The following SNX18 variants were observed in gnomAD, a reference collection of about 807,000 sequenced individuals.
SNX18 encodes the protein sorting nexin-18.
In SNX18, 35 loss-of-function variants were observed where a neutral mutation model predicts 48.7. That is an observed-to-expected ratio of 0.72 (90% CI 0.55 to 0.95). The LOEUF is 0.95. Ranked by LOEUF, SNX18 falls within the 40% of genes least tolerant of loss-of-function variation. The pLI is 0.00. For synonymous variants in SNX18, 492 were observed against 384.7 expected, an observed-to-expected ratio of 1.28 and a Z score of -3.26; for missense variants, 824 against 871.0, an observed-to-expected ratio of 0.95 and a Z score of 0.68.
At chr5:54,619,898 G>A in the SNX18 span, among the ~76,000 whole-genome samples, 1 of 152,178 alleles carries the variant, frequency 6.6e-6, no homozygotes, top group Non-Finnish European at 1.5e-5. Flanking sequence ...CATGAGTAGA[G>A]AAAAGTCAAT....
chr5:54,596,940 A>T, the SNX18 span, among the ~76,000 whole-genome samples: 1 of 152,052 alleles, frequency 6.6e-6, no homozygotes, highest in African/African-American at 2.4e-5. Flanking sequence ...TCAAAAAAGG[A>T]TGTACTGACA....
chr5:54,547,779 C>T (rs1448636179), downstream of SNX18, among the ~76,000 whole-genome samples: 1 of 152,200 alleles, frequency 6.6e-6, no homozygotes, highest in South Asian at 2.1e-4. Flanking sequence ...CCAATAGAAG[C>T]ACATTCCAGT....
At chr5:54,580,107 G>T in the SNX18 span, among the ~76,000 whole-genome samples, 1 of 145,158 alleles carries the variant, frequency 6.9e-6, no homozygotes, top group Non-Finnish European at 1.5e-5. Flanking sequence ...GTCAGAAAGA[G>T]AGAGAGAGAG....
chr5:54,541,088 C>T (rs913951528), intron 1 of SNX18, among the ~76,000 whole-genome samples: 6 of 151,872 alleles, frequency 4.0e-5, no homozygotes, highest in East Asian at 1.9e-4. Flanking sequence ...AGTACGGTGG[C>T]GCAATCTCGG....
At chr5:54,561,439 G>A in the SNX18 span, among the ~76,000 whole-genome samples, 94 of 151,916 alleles carry the variant, frequency 6.2e-4, no homozygotes, top group African/African-American at 2.1e-3. Context: ...CTGAGCTCAA[G>A]AGGTCCTTTC....
the SNX18 span, among the ~76,000 whole-genome samples, chr5:54,568,364 C>T: frequency 6.6e-6 from 1 of 152,332 alleles, no homozygotes; most frequent in South Asian, 2.1e-4. Flanking sequence ...ATGGTTTGGA[C>T]ACACACTCCT....
chr5:54,524,021 A>G (rs13184344), intron 1 of SNX18, among the ~76,000 whole-genome samples: 7,645 of 152,222 alleles, frequency 0.05, 229 homozygotes, highest in Non-Finnish European at 0.076. Context: ...GAGGCTGTTC[A>G]TTCTTTTTGT....
chr5:54,600,356 A>T, the SNX18 span, among the ~76,000 whole-genome samples: 1 of 152,224 alleles, frequency 6.6e-6, no homozygotes, highest in Non-Finnish European at 1.5e-5. Flanking sequence ...GCAGAGAAAT[A>T]GGGACACTTT....
the SNX18 span, among the ~76,000 whole-genome samples, chr5:54,600,622 A>G: frequency 6.6e-6 from 1 of 152,028 alleles, no homozygotes; most frequent in African/African-American, 2.4e-5. Flanking sequence ...ATGTGGTATA[A>G]ATATACCATG....
the SNX18 span, among the ~76,000 whole-genome samples, chr5:54,641,002 G>T: frequency 6.6e-6 from 1 of 152,152 alleles, no homozygotes; most frequent in Admixed American, 6.5e-5. Context: ...GGAGATTGAA[G>T]TGAGCCGAGA....
chr5:54,603,369 G>A, the SNX18 span, among the ~76,000 whole-genome samples: 171 of 152,116 alleles, frequency 1.1e-3, no homozygotes, highest in Admixed American at 3.7e-3. Context: ...GCTTCCCAAA[G>A]TATTGGGACA....
At chr5:54,530,084 T>G (rs2112846622) in intron 1 of SNX18, among the ~76,000 whole-genome samples, 1 of 152,258 alleles carries the variant, frequency 6.6e-6, no homozygotes, top group East Asian at 1.9e-4. Context: ...TTGGTTTTCT[T>G]TGCTCTGCAG....
At chr5:54,642,358 T>C in the SNX18 span, among the ~76,000 whole-genome samples, 1,067 of 151,918 alleles carry the variant, frequency 7.0e-3, 7 homozygotes, top group Non-Finnish European at 0.01. Flanking sequence ...GCCCCTTAAA[T>C]AAAAATGGAA....
chr5:54,569,856 A>G, the SNX18 span, among the ~76,000 whole-genome samples: 4 of 152,222 alleles, frequency 2.6e-5, no homozygotes, highest in African/African-American at 9.6e-5. Context: ...AAGCCCACCC[A>G]GATTCATGGG....
the SNX18 span, among the ~76,000 whole-genome samples, chr5:54,621,573 T>C: frequency 6.6e-6 from 1 of 152,212 alleles, no homozygotes; most frequent in African/African-American, 2.4e-5. Flanking sequence ...CCCTGTTTAG[T>C]GACCACTGCA....
chr5:54,637,848 A>T, the SNX18 span, among the ~76,000 whole-genome samples: 1 of 152,208 alleles, frequency 6.6e-6, no homozygotes, highest in Non-Finnish European at 1.5e-5. Context: ...ACAGCTTTCC[A>T]GAAGAGCAAA....
At chr5:54,631,477 A>G in the SNX18 span, among the ~76,000 whole-genome samples, 1 of 152,234 alleles carries the variant, frequency 6.6e-6, no homozygotes, top group African/African-American at 2.4e-5. Flanking sequence ...TCTGTCAATA[A>G]ATAAATGCTG....
At chr5:54,620,542 C>T in the SNX18 span, among the ~76,000 whole-genome samples, 3 of 152,294 alleles carry the variant, frequency 2.0e-5, no homozygotes, top group Middle Eastern at 6.8e-3. Context: ...GCCCATCCTG[C>T]CTTCAGGCAG....
At chr5:54,620,142 G>A in the SNX18 span, among the ~76,000 whole-genome samples, 1 of 152,094 alleles carries the variant, frequency 6.6e-6, no homozygotes, top group East Asian at 1.9e-4. Context: ...TGTCAGTTAA[G>A]GAAGCAGATG....
Sources: gnomAD v4.1 joint callset for allele counts (sites outside exome capture counted in the v4.1 genomes callset) on GRCh38, gnomAD v4.1.1 for gene constraint, MANE v1.5 for transcripts, NCBI Gene and HGNC (gene_info 2026-07-23, HGNC 2026-07-21) for gene names.